UACA: variants seen among roughly 807,000 people sequenced by gnomAD.
UACA encodes the protein uveal autoantigen with coiled-coil domains and ankyrin repeats, also known as nuclear membrane binding protein.
UACA carries 112 observed loss-of-function variants against 160.5 expected under a neutral mutation model. The ratio of observed to expected loss-of-function variants is 0.70; its 90% CI spans 0.60 to 0.82. UACA has a LOEUF of 0.82. Among genes scored for constraint, UACA ranks in the 40% least tolerant of loss-of-function variants. The pLI is 0.00. For missense variants in UACA, 1,574 were observed against 1,614.6 expected, an observed-to-expected ratio of 0.97 and a Z score of 0.43; for synonymous variants, 557 against 568.4, an observed-to-expected ratio of 0.98 and a Z score of 0.29.
At chr15:70,674,238 G>C (rs1330202083) in intron 13 of UACA, among the ~76,000 whole-genome samples, 1 of 152,094 alleles carries the variant, frequency 6.6e-6, no homozygotes, top group Admixed American at 6.5e-5. Context: ...TTTTCTGTTT[G>C]AAAGTAAAAA....
intron 16 of UACA, among the ~76,000 whole-genome samples, chr15:70,665,746 A>G (rs1014259880): frequency 6.6e-6 from 1 of 152,220 alleles, no homozygotes; most frequent in African/African-American, 2.4e-5. Flanking sequence ...AGAGCATTTA[A>G]ATTCTCAATC....
At chr15:70,760,604 T>A (rs1016817195) in intron 1 of UACA, among the ~76,000 whole-genome samples, 1 of 151,872 alleles carries the variant, frequency 6.6e-6, no homozygotes, top group Non-Finnish European at 1.5e-5. Context: ...GTCAAGAGAT[T>A]GAGACCATCC....
At chr15:70,709,287 A>G (rs556027871) in intron 1 of UACA, among the ~76,000 whole-genome samples, 1 of 152,224 alleles carries the variant, frequency 6.6e-6, no homozygotes, top group Non-Finnish European at 1.5e-5. Context: ...CATTCATCCC[A>G]TTCAGAAAGC....
At chr15:70,673,316 G>A (rs1897200132) in intron 13 of UACA, among the ~76,000 whole-genome samples, 1 of 151,904 alleles carries the variant, frequency 6.6e-6, no homozygotes, top group Non-Finnish European at 1.5e-5. Context: ...AGAGTGAAAT[G>A]AAGAGTAAGG....
chr15:70,764,539 A>T (rs1357430722), upstream of UACA, among the ~76,000 whole-genome samples: 2 of 152,132 alleles, frequency 1.3e-5, no homozygotes, highest in African/African-American at 4.8e-5. Context: ...TGAAAAGACA[A>T]ACGGTCCACA....
At chr15:70,671,842 A>T (rs1366110765) in intron 14 of UACA, 123 bp downstream of exon 14, 1 of 655,042 alleles carries the variant, frequency 1.5e-6, no homozygotes, top group Non-Finnish European at 2.3e-6. Context: ...CCATGTGCTG[A>T]TGAAGTTTAG....
chr15:70,719,272 G>A (rs568065515), intron 1 of UACA, among the ~76,000 whole-genome samples: 1 of 152,144 alleles, frequency 6.6e-6, no homozygotes, highest in Non-Finnish European at 1.5e-5. Context: ...AGTAAAAAGG[G>A]TTTACAAAGG....
At chr15:70,701,509 C>T (rs914216364) in intron 1 of UACA, among the ~76,000 whole-genome samples, 9 of 152,104 alleles carry the variant, frequency 5.9e-5, no homozygotes, top group African/African-American at 2.2e-4. Flanking sequence ...GAAAAAAGAG[C>T]CATTTAAATC....
intron 1 of UACA, among the ~76,000 whole-genome samples, chr15:70,704,838 A>C (rs981544305): frequency 3.9e-5 from 6 of 152,208 alleles, no homozygotes; most frequent in African/African-American, 1.4e-4. Context: ...CCATTCAGAA[A>C]TCAGGCAGCC....
At chr15:70,686,960 A>G (rs893240066) in intron 7 of UACA, among the ~76,000 whole-genome samples, 6 of 152,200 alleles carry the variant, frequency 3.9e-5, no homozygotes, top group Admixed American at 3.3e-4. Flanking sequence ...ATTAGAGCAC[A>G]CCAACTAAAA....
intron 3 of UACA, among the ~76,000 whole-genome samples, chr15:70,694,371 G>T (rs1595893633): frequency 6.6e-6 from 1 of 151,956 alleles, no homozygotes; most frequent in African/African-American, 2.4e-5. Flanking sequence ...AGAAAACTGA[G>T]TTAGAAATAT....
intron 1 of UACA, among the ~76,000 whole-genome samples, chr15:70,717,597 C>CCAAATAAACAATAAACA (rs1458256855): frequency 6.6e-6 from 1 of 152,280 alleles, no homozygotes; most frequent in South Asian, 2.1e-4. Context: ...CAAGAAGACA[C>CCAAATAAACAATAAACA]CTAGTTTATT....
chr15:70,776,822 A>G, the UACA span, among the ~76,000 whole-genome samples: 3 of 152,112 alleles, frequency 2.0e-5, no homozygotes, highest in Non-Finnish European at 4.4e-5. Context: ...TAGCACTGGC[A>G]TACATATCAC....
chr15:70,772,128 A>G, the UACA span, among the ~76,000 whole-genome samples: 2 of 152,220 alleles, frequency 1.3e-5, no homozygotes, highest in Non-Finnish European at 2.9e-5. Flanking sequence ...GGACTGGGAT[A>G]TAGTCTAGAA....
intron 1 of UACA, chr15:70,754,195 A>G (rs1355751883): frequency 2.2e-6 from 1 of 455,756 alleles, no homozygotes. Flanking sequence ...CGCTCTCTCA[A>G]GGATACCTGG....
intron 3 of UACA, 45 bp from the exon 4 acceptor site, chr15:70,691,408 T>C: frequency 2.1e-6 from 3 of 1,410,810 alleles, no homozygotes; most frequent in East Asian, 2.3e-5. Context: ...TTTCTTCATA[T>C]GTAAATTGAG....
intron 1 of UACA, chr15:70,754,277 A>G: frequency 2.6e-6 from 1 of 387,590 alleles, no homozygotes; most frequent in South Asian, 1.9e-5. Context: ...ACTTTACAAC[A>G]GTACAAAAGC....
chr15:70,677,443 C>G (rs1234718125), intron 11 of UACA, among the ~76,000 whole-genome samples: 1 of 152,126 alleles, frequency 6.6e-6, no homozygotes, highest in Non-Finnish European at 1.5e-5. Context: ...TATAGTTCAG[C>G]CTTTTGCTTT....
chr15:70,716,430 CG>C (rs1566989060), intron 1 of UACA, among the ~76,000 whole-genome samples: 1 of 152,138 alleles, frequency 6.6e-6, no homozygotes, highest in African/African-American at 2.4e-5. Flanking sequence ...TGCTGACCTA[CG>C]AAGTCATCAG....
Sources: allele counts gnomAD v4.1 joint callset (sites outside exome capture counted in the v4.1 genomes callset), GRCh38; gene constraint gnomAD v4.1.1; transcripts MANE v1.5; gene names NCBI Gene and HGNC (gene_info 2026-07-23, HGNC 2026-07-21).